CIC: variants seen among roughly 807,000 people sequenced by gnomAD.
CIC encodes the protein capicua transcriptional repressor.
A neutral mutation model predicts 115.7 loss-of-function variants in CIC; 18 were observed. The observed-to-expected ratio is 0.16, with a 90% CI of 0.11 to 0.23. CIC has a LOEUF of 0.23. CIC is among the 10% of genes least tolerant of loss of function. The pLI is 1.00. For missense variants in CIC, 2,000 were observed against 2,159.3 expected (o/e 0.93, Z 1.46); for synonymous variants, 1,076 against 923.0 (o/e 1.17, Z -3.01).
chr19:42,278,096 C>T (rs2037059777), intron 2 of CIC, among the ~76,000 whole-genome samples: 1 of 152,260 alleles, frequency 6.6e-6, no homozygotes, highest in African/African-American at 2.4e-5. Flanking sequence ...TGCCCCCAGC[C>T]AGGCATTTGC....
At chr19:42,278,432 G>C (rs2037077796) in intron 2 of CIC, among the ~76,000 whole-genome samples, 2 of 152,214 alleles carry the variant, frequency 1.3e-5, no homozygotes, top group African/African-American at 4.8e-5. Context: ...CCTATTTCTA[G>C]GTCTATACGT....
At chr19:42,269,677 G>GA (rs932894258) in intron 1 of CIC, among the ~76,000 whole-genome samples, 4 of 150,960 alleles carry the variant, frequency 2.6e-5, no homozygotes, top group Non-Finnish European at 5.9e-5. Context: ...GTGATGGGGA[G>GA]AGAAGGTGAC....
rs2036790682 is a variant in CIC at position 42,271,550 on chromosome 19, T to A, written c.-10-224T>A. Among the ~76,000 whole-genome samples, 2 of 152,136 alleles carry A rather than the reference T, an allele frequency of 1.3e-5. 1 individual carries two copies. The highest frequency in any genetic ancestry group is 4.1e-4 in the South Asian group (2 of 4,828). ...GTGTCCTTTGCAGAGCCAGCAGGTGTCTGTTCCCCAAGGAGCCAGAGTGTG... is the reference window on the plus strand; with the variant it reads ...GTGTCCTTTGCAGAGCCAGCAGGTGACTGTTCCCCAAGGAGCCAGAGTGTG... On this transcript the variant is annotated intron_variant, in intron 1 of 20. Coordinates refer to ENST00000681038, the MANE Select transcript of CIC (RefSeq NM_001386298.1).
rs906438078 is a variant in CIC, at chr19:42,292,384, G to C, written c.5820G>C (p.Ser1940=). ...PASSQAGTVT[S]YGPTSSVALG... is the part of the protein sequence containing the mutation. ...CCAGCCAGGCTGGAACAGTCACCTCGTACGGGCCCACGAGCTCTGTAGCTC... is the reference window on the plus strand; with the variant it reads ...CCAGCCAGGCTGGAACAGTCACCTCCTACGGGCCCACGAGCTCTGTAGCTC... Residue 1940 remains serine (S), a synonymous_variant, in exon 14 of 21, where the codon TCG becomes TCC. Transcript: ENST00000681038. The C allele has an allele frequency of 2.5e-6, 4 of 1,612,624 alleles. No individual in the cohort carries two copies. The African/African-American group carries it at 4.0e-5, about 16-fold the overall frequency.
In CIC at chr19:42,291,191, T is replaced by C; in HGVS notation, c.5150T>C (p.Leu1717Pro). 1 of 1,610,102 alleles carries C rather than the reference T, an allele frequency of 6.2e-7. No homozygotes were observed. Among genetic ancestry groups the C allele is most frequent in the Non-Finnish European group, 8.5e-7 (1 of 1,178,254 alleles). ...AGSGPNGPVP[L>P]GILQPGALGK... ...AGTGGCCCCAATGGGCCAGTACCCC[T>C]GGGCATCCTGCAACCAGGTGCCCTG... The change falls in exon 11 of 21, where the codon CTG (leucine) becomes CCG (proline). Residue 1717 changes from leucine to proline, a missense_variant. Physicochemically the swap from Leu to Pro is moderately conservative, Grantham distance 98. Transcript: ENST00000681038.
At position 42,295,096 on chromosome 19, in the gene CIC, C is replaced by A. The variant is rs1480896622; in HGVS notation, c.7459C>A (p.Pro2487Thr). The change falls in exon 21 of 21, where the codon CCC (proline) becomes ACC (threonine). Residue 2487 changes from proline to threonine, a missense_variant. Pro to Thr is a conservative substitution (Grantham distance 38, BLOSUM62 -1). Transcript: ENST00000681038. The stretch of plus-strand genomic sequence containing the variant: ...CCAGGCTGCCCCGCCACTGCCTCCA[C>A]CCCCAGAGTCGGGGCCTGGACAGCC... Reference protein sequence around the residue: ...TAQAAPPLPPPPESGPGQPGW... With the variant: ...TAQAAPPLPPTPESGPGQPGW... 3.3e-6 allele frequency: 5 copies of A among 1,526,960 alleles called. No homozygotes were observed. Among genetic ancestry groups the A allele is most frequent in the Non-Finnish European group, 3.5e-6 (4 of 1,142,420 alleles). The allele number at this position is 1,526,960 out of a possible 1,614,324, so 94.6% of individuals were successfully genotyped here.
chr19:42,292,848 C>T lies in CIC; in HGVS notation c.6185C>T (p.Pro2062Leu), dbSNP rs752026851. The T allele has an allele frequency of 1.9e-6, 3 of 1,613,780 alleles. No individual in the cohort carries two copies. Among genetic ancestry groups the T allele is most frequent in the Non-Finnish European group, 2.5e-6 (3 of 1,180,020 alleles). ...ACCCCAGCCCCGACTAGCCCTTTCC[C>T]CAGCGCCACAGGTAGGTGTCAGATC... ...TATPAPTSPF[P>L]SATAGSMTYS... The change falls in exon 15 of 21, where the codon CCC becomes CTC. Residue 2062 changes from proline to leucine, a missense_variant. Around this residue, in one of 8 missense-constraint regions of CIC, gnomAD observed 1,466 missense variants for 1,390.4 expected, o/e 1.05. Transcript: ENST00000681038.
At chr19:42,286,032 G>C (rs957625083) in intron 2 of CIC, among the ~76,000 whole-genome samples, 1 of 152,214 alleles carries the variant, frequency 6.6e-6, no homozygotes, top group Non-Finnish European at 1.5e-5. Flanking sequence ...GGGCAAGGGG[G>C]CTGGACCCTG....
At position 42,294,106 on chromosome 19, in the gene CIC, C is replaced by T. The variant is rs1334325288; in HGVS notation, c.6922+17C>T. ...ACTCCACGGGTAGGCGAGCATTGGG[C>T]ACCCAGGGTCCTTAGGTGGAGGGCA... On this transcript the variant is annotated intron_variant, in intron 18 of 20. Coordinates refer to ENST00000681038, the MANE Select transcript of CIC (RefSeq NM_001386298.1). 1 of 1,613,744 alleles carries T rather than the reference C, an allele frequency of 6.2e-7. No homozygotes were observed. Among genetic ancestry groups the T allele is most frequent in the South Asian group, 1.1e-5 (1 of 91,088 alleles).
chr19:42,292,487 C>G (rs778991585), intron 14 of CIC, 21 bp downstream of exon 14: 1 of 1,611,122 alleles, frequency 6.2e-7, no homozygotes, highest in Non-Finnish European at 8.5e-7. Context: ...GCCTGGCAGG[C>G]AGTGCTGGGG....
At chr19:42,292,510 G>T (rs1176191412) in intron 14 of CIC, 44 bp downstream of exon 14, 5 of 1,611,540 alleles carry the variant, frequency 3.1e-6, no homozygotes, top group Admixed American at 3.3e-5. Context: ...CCAGGGTGGG[G>T]CTGAGGCAGT....
At chr19:42,286,655 G>T in intron 2 of CIC, 116 bp from the exon 3 acceptor site, 1 of 1,350,260 alleles carries the variant, frequency 7.4e-7, no homozygotes, top group East Asian at 2.3e-5. Flanking sequence ...CTCTGGTGTT[G>T]GGGGTGGGGG....
intron 2 of CIC, among the ~76,000 whole-genome samples, chr19:42,285,520 C>T (rs757720497): frequency 6.6e-6 from 1 of 152,196 alleles, no homozygotes; most frequent in Non-Finnish European, 1.5e-5. Context: ...CTTTGTCAGC[C>T]CCTCTCAGAA....
rs1000422780 is a variant in CIC at position 42,280,859 on chromosome 19, T to G, written c.2795-5912T>G. Among the ~76,000 whole-genome samples the G allele has an allele frequency of 1.3e-5, 2 of 150,834 alleles. No homozygotes were observed. The highest frequency in any genetic ancestry group is 3.0e-5 in the Non-Finnish European group (2 of 67,732). On this transcript the variant is annotated intron_variant, in intron 2 of 20. Coordinates refer to ENST00000681038, the MANE Select transcript of CIC (RefSeq NM_001386298.1). The surrounding 1 kb of genome is among the most constrained non-coding windows in gnomAD (Gnocchi z 4.9). The stretch of plus-strand genomic sequence containing the variant: ...GACCAACCCTCCCAGCCCAAGCGCC[T>G]GTACACCCCTTTCCCGCCCCCGCAC...
In CIC at chr19:42,290,751, A is replaced by T. The variant is rs751980900; in HGVS notation, c.4710A>T (p.Ala1570=). Residue 1570 remains alanine (A), a synonymous_variant, in exon 11 of 21, where the codon GCA becomes GCT. Coordinates refer to ENST00000681038, the MANE Select transcript of CIC (RefSeq NM_001386298.1). The stretch of plus-strand genomic sequence containing the variant: ...CATCACTGGCCTATGGGGCCCCAGC[A>T]GCTCCCCTGTCCCGTCCTGCCGCCA... ...PAPSLAYGAP[A]APLSRPAATM... is the part of the protein sequence containing the mutation. 8.7e-6 allele frequency: 14 copies of T among 1,612,194 alleles called. No individual in the cohort carries two copies. Among genetic ancestry groups the T allele is most frequent in the Non-Finnish European group, 1.0e-5 (12 of 1,179,664 alleles).
chr19:42,293,673 C>G lies in CIC; in HGVS notation c.6604C>G (p.Pro2202Ala), dbSNP rs2147332350. ...GAATCGTGGGGAGCCTCCCACTCCT[C>G]CCAGCCCGGCCCCAGCTCCAGCTGT... The part of the protein sequence containing the change: ...LENRGEPPTP[P>A]SPAPAPAVAP... Residue 2202 changes from proline to alanine, a missense_variant, in exon 17 of 21, where the codon CCC (proline) becomes GCC (alanine). Coordinates refer to ENST00000681038, the MANE Select transcript of CIC (RefSeq NM_001386298.1). 1 of 1,612,762 alleles carries G rather than the reference C, an allele frequency of 6.2e-7. No individual in the cohort carries two copies. Among genetic ancestry groups the G allele is most frequent in the Non-Finnish European group, 8.5e-7 (1 of 1,179,726 alleles).
In CIC at chr19:42,295,143, G is replaced by GGGCGCCCCC; in HGVS notation, c.7506_7507insGGCGCCCCC (p.Gln2502_Pro2503insGlyAlaPro). ...AGCCTGGCTGGGAGGGGGCTCCCCA[G>GGGCGCCCCC]CCCTCCCCCCCACCCCCAGGTCCCT... On this transcript the variant is annotated inframe_insertion, in exon 21 of 21. Transcript: ENST00000681038. The GGGCGCCCCC allele has an allele frequency of 7.2e-7, 1 of 1,382,734 alleles. No homozygotes were observed. Among genetic ancestry groups the GGGCGCCCCC allele is most frequent in the Non-Finnish European group, 9.6e-7 (1 of 1,037,822 alleles). 85.7% of individuals were successfully genotyped at this position (1,382,734 alleles called of 1,614,324 possible).
At position 42,291,067 on chromosome 19, in the gene CIC, A is replaced by T; in HGVS notation, c.5026A>T (p.Thr1676Ser). Reference protein sequence around the residue: ...PATVTNLLVGTPGYGAPAPPA... With the variant: ...PATVTNLLVGSPGYGAPAPPA... ...CACTGTCACTAACCTACTGGTGGGC[A>T]CCCCGGGGTATGGGGCCCCTGCGCC... is the stretch of plus-strand genomic sequence containing the variant. The change falls in exon 11 of 21, where the codon ACC becomes TCC. Residue 1676 changes from threonine (T) to serine (S), a missense_variant. By Grantham distance (58) the Thr-to-Ser change is moderately conservative. Around this residue, in one of 8 missense-constraint regions of CIC, gnomAD observed 1,466 missense variants for 1,390.4 expected, o/e 1.05. Coordinates refer to ENST00000681038, the MANE Select transcript of CIC (RefSeq NM_001386298.1). 1 of 1,613,582 alleles carries T rather than the reference A, an allele frequency of 6.2e-7. No individual in the cohort carries two copies. Among genetic ancestry groups the T allele is most frequent in the Non-Finnish European group, 8.5e-7 (1 of 1,179,816 alleles).
chr19:42,295,044 C>T lies in CIC; in HGVS notation c.7407C>T (p.Thr2469=). 1 of 1,549,564 alleles carries T rather than the reference C, an allele frequency of 6.5e-7. No individual in the cohort carries two copies. The highest frequency in any genetic ancestry group is 8.7e-7 in the Non-Finnish European group (1 of 1,154,188). ...TPSPAGGPDP[T]SPSSDSGTAQ... ...GCCCCGCAGGGGGCCCTGACCCCAC[C>T]TCACCCAGCTCGGACTCTGGCACGG... The change falls in exon 21 of 21, where the codon ACC becomes ACT. Residue 2469 remains threonine, a synonymous_variant. Coordinates refer to ENST00000681038, the MANE Select transcript of CIC (RefSeq NM_001386298.1).
Sources: gnomAD v4.1 joint callset for allele counts (sites outside exome capture counted in the v4.1 genomes callset) on GRCh38, gnomAD v4.1.1 for gene constraint, gnomAD v4.1.1 regional missense constraint, Gnocchi (gnomAD v3.1) non-coding constraint, MANE v1.5 for transcripts, NCBI Gene and HGNC (gene_info 2026-07-23, HGNC 2026-07-21) for gene names.